EPHA6: variants seen among roughly 807,000 people sequenced by gnomAD.
The protein encoded by EPHA6 is EPH receptor A6, also known as ephrin type-A receptor 6.
Under a neutral mutation model 112.0 loss-of-function variants are expected in EPHA6, and 50 were observed. That is an observed-to-expected ratio of 0.45 (90% CI 0.36 to 0.56). The LOEUF (loss-of-function observed/expected upper bound fraction) is 0.56, where lower values mean the gene tolerates loss of function less well. Ranked by LOEUF, EPHA6 falls within the 20% of genes least tolerant of loss-of-function variation. The probability of loss-of-function intolerance (pLI) is 0.00; values close to 1 mark genes in which losing one functional copy is unlikely to be tolerated. For synonymous variants in EPHA6, 529 were observed against 490.7 expected (o/e 1.08, Z -1.03); for missense variants, 1,280 against 1,417.4 (o/e 0.90, Z 1.56).
intron 5 of EPHA6, among the ~76,000 whole-genome samples, chr3:97,383,331 C>T (rs764297478): frequency 4.6e-5 from 7 of 152,034 alleles, no homozygotes; most frequent in Non-Finnish European, 8.8e-5. Flanking sequence ...TGAACATATC[C>T]GGAAACACTG....
chr3:97,673,390 A>G (rs1413330956), intron 14 of EPHA6, among the ~76,000 whole-genome samples: 1 of 152,220 alleles, frequency 6.6e-6, no homozygotes, highest in Non-Finnish European at 1.5e-5. Context: ...AGAAGAGGAA[A>G]TAAAATAATT....
At position 97,652,783 on chromosome 3, in the gene EPHA6, C is replaced by G. The variant is rs1380210145; in HGVS notation, c.2784+14701C>G. Reference sequence around the variant, plus strand: ...GATCTCAGATGAAATTGCTGAATTTCTGCATCAAAACAGAAACTTACTCCT... The same window carrying G: ...GATCTCAGATGAAATTGCTGAATTTGTGCATCAAAACAGAAACTTACTCCT... On this transcript the variant is annotated intron_variant, in intron 14 of 17. Coordinates refer to ENST00000389672, the MANE Select transcript of EPHA6 (RefSeq NM_001080448.3). Among the ~76,000 whole-genome samples the G allele has an allele frequency of 2.6e-5, 4 of 151,940 alleles. No individual in the cohort carries two copies. The East Asian group carries it at 7.7e-4, about 29-fold the overall frequency.
At chr3:96,829,481 T>C (rs1014230047) in intron 1 of EPHA6, among the ~76,000 whole-genome samples, 4 of 152,212 alleles carry the variant, frequency 2.6e-5, no homozygotes, top group African/African-American at 2.4e-5. Flanking sequence ...TCCAATAAGA[T>C]TGTATAGAAA....
At chr3:97,690,101 A>C (rs1306795377) in intron 14 of EPHA6, among the ~76,000 whole-genome samples, 4 of 152,110 alleles carry the variant, frequency 2.6e-5, no homozygotes, top group African/African-American at 9.7e-5. Flanking sequence ...CTTCATTTGC[A>C]AATTTTTGTG....
intron 10 of EPHA6, among the ~76,000 whole-genome samples, 188 bp downstream of exon 10, chr3:97,484,247 C>T (rs1013569160): frequency 6.6e-6 from 1 of 151,970 alleles, no homozygotes; most frequent in Non-Finnish European, 1.5e-5. Flanking sequence ...CAAACAATGA[C>T]AACATTCACA....
intron 12 of EPHA6, among the ~76,000 whole-genome samples, chr3:97,600,514 T>C (rs1238826318): frequency 6.6e-6 from 1 of 152,130 alleles, no homozygotes; most frequent in Non-Finnish European, 1.5e-5. Context: ...TTCTGCTTTG[T>C]TTCTTGGCCA....
intron 4 of EPHA6, among the ~76,000 whole-genome samples, chr3:97,228,040 G>C (rs12486252): frequency 0.064 from 9,730 of 152,260 alleles, 429 homozygotes; most frequent in Middle Eastern, 0.16. Context: ...GGTAGTAAAG[G>C]AGGGAGGTGT....
chr3:97,491,786 G>C (rs2091845778), intron 10 of EPHA6, among the ~76,000 whole-genome samples: 2 of 151,922 alleles, frequency 1.3e-5, no homozygotes, highest in Non-Finnish European at 2.9e-5. Context: ...TGAGTTGTTT[G>C]AGTAGGCCAT....
chr3:96,995,669 A>T (rs765190410), intron 3 of EPHA6, among the ~76,000 whole-genome samples: 20 of 152,166 alleles, frequency 1.3e-4, no homozygotes, highest in Non-Finnish European at 2.1e-4. Flanking sequence ...AGTGAATATA[A>T]AAGTTATATT....
At chr3:97,699,813 A>T (rs2033268625) in intron 14 of EPHA6, among the ~76,000 whole-genome samples, 1 of 152,244 alleles carries the variant, frequency 6.6e-6, no homozygotes, top group African/African-American at 2.4e-5. Flanking sequence ...TTTCTATAAC[A>T]CATGTTCATA....
intron 3 of EPHA6, among the ~76,000 whole-genome samples, chr3:97,129,541 A>T (rs1488981230): frequency 2.0e-5 from 3 of 152,080 alleles, no homozygotes; most frequent in Non-Finnish European, 4.4e-5. Context: ...AACAAAAAAA[A>T]GTACAGTGGT....
intron 5 of EPHA6, among the ~76,000 whole-genome samples, chr3:97,314,732 G>A (rs560632197): frequency 6.6e-6 from 1 of 151,790 alleles, no homozygotes; most frequent in African/African-American, 2.4e-5. Flanking sequence ...TAGGGAAGCA[G>A]AAGGAGTAGG....
chr3:97,154,887 C>T (rs1057262850), intron 3 of EPHA6, among the ~76,000 whole-genome samples: 1 of 152,136 alleles, frequency 6.6e-6, no homozygotes, highest in African/African-American at 2.4e-5. Context: ...CTAAAATATG[C>T]ATACTTTATT....
chr3:97,127,249 AC>A (rs1253592083), intron 3 of EPHA6, among the ~76,000 whole-genome samples: 1 of 152,144 alleles, frequency 6.6e-6, no homozygotes, highest in Non-Finnish European at 1.5e-5. Context: ...CTGGGAGGGA[AC>A]TTTGCAAGAC....
At chr3:97,316,309 A>G (rs570770780) in intron 5 of EPHA6, among the ~76,000 whole-genome samples, 2 of 151,810 alleles carry the variant, frequency 1.3e-5, no homozygotes, top group African/African-American at 4.8e-5. Flanking sequence ...GGCAACTTTT[A>G]TTTTAGACAA....
chr3:97,265,401 C>T (rs1350922345), intron 5 of EPHA6, among the ~76,000 whole-genome samples: 4 of 152,162 alleles, frequency 2.6e-5, no homozygotes, highest in Admixed American at 2.0e-4. Context: ...CATCACTCGT[C>T]GGTGCCCAAA....
At chr3:97,390,709 A>G (rs1295349215) in intron 5 of EPHA6, among the ~76,000 whole-genome samples, 2 of 152,000 alleles carry the variant, frequency 1.3e-5, no homozygotes, top group African/African-American at 4.8e-5. Flanking sequence ...AATCTATGGA[A>G]CTCAGCAAAA....
chr3:97,527,057 AGG>A (rs2092630937), intron 10 of EPHA6, among the ~76,000 whole-genome samples: 1 of 152,074 alleles, frequency 6.6e-6, no homozygotes, highest in Non-Finnish European at 1.5e-5. Flanking sequence ...TTACAGCTAA[AGG>A]GGGCTGGAGC....
At chr3:96,993,728 C>G (rs2043303512) in intron 3 of EPHA6, among the ~76,000 whole-genome samples, 1 of 152,118 alleles carries the variant, frequency 6.6e-6, no homozygotes, top group Admixed American at 6.5e-5. Context: ...ATTTAAGCAT[C>G]ACTTTTGAAA....
Sources: gnomAD v4.1 joint callset for allele counts (sites outside exome capture counted in the v4.1 genomes callset) on GRCh38, gnomAD v4.1.1 for gene constraint, MANE v1.5 for transcripts, NCBI Gene and HGNC (gene_info 2026-07-23, HGNC 2026-07-21) for gene names.